ZFR2: variants seen among roughly 807,000 people sequenced by gnomAD.
The protein encoded by ZFR2 is zinc finger RNA-binding protein 2.
ZFR2 carries 104 observed loss-of-function variants against 105.7 expected under a neutral mutation model. That is an observed-to-expected ratio of 0.98 (90% confidence interval 0.84 to 1.16). The LOEUF (loss-of-function observed/expected upper bound fraction) is 1.16, where lower values mean the gene tolerates loss of function less well. Ranked by LOEUF, ZFR2 falls within the 50% of genes most tolerant of loss-of-function variation. The probability of loss-of-function intolerance (pLI) is 0.00; values close to 1 mark genes in which losing one functional copy is unlikely to be tolerated. For missense variants in ZFR2, 1,425 were observed against 1,355.5 expected (o/e 1.05, Z -0.80); for synonymous variants, 634 against 597.7 (o/e 1.06, Z -0.89).
rs543533337 is a variant in ZFR2 at position 3,822,068 on chromosome 19, C to A, written c.1491+13G>T. 5 of 1,588,764 alleles carry A rather than the reference C, an allele frequency of 3.1e-6. No individual in the cohort carries two copies. The highest frequency in any genetic ancestry group is 4.6e-5 in the East Asian group (2 of 43,192). ...GCCCGGACGGGTGTCGGAGCTCCCC[C>A]TGCTGGACGCACCCGGTACTGCAGC... On this transcript the variant is annotated intron_variant, in intron 9 of 18. Coordinates refer to ENST00000262961, the MANE Select transcript of ZFR2 (RefSeq NM_015174.2).
chr19:3,842,692 C>T (rs1225134505), intron 1 of ZFR2, among the ~76,000 whole-genome samples: 1 of 150,664 alleles, frequency 6.6e-6, no homozygotes, highest in Non-Finnish European at 1.5e-5. Flanking sequence ...GGCATGATCT[C>T]AGCTCACTGC....
chr19:3,840,363 A>G (rs1285464986), intron 1 of ZFR2, among the ~76,000 whole-genome samples: 1 of 150,250 alleles, frequency 6.7e-6, no homozygotes, highest in African/African-American at 2.5e-5. Flanking sequence ...TCAGCCTCCC[A>G]AGTAGCTGGG....
chr19:3,811,485 C>A, intron 14 of ZFR2, 119 bp from the exon 15 acceptor site: 2 of 869,350 alleles, frequency 2.3e-6, no homozygotes, highest in Non-Finnish European at 3.5e-6. Flanking sequence ...GACACAGTTT[C>A]ACTGTGTCAC....
In ZFR2 at chr19:3,858,409, A is replaced by G. The variant is rs1209407104; in HGVS notation, c.53+10556T>C. 6.6e-6 allele frequency among the ~76,000 whole-genome samples: 1 copy of G among 152,208 alleles called. No homozygotes were observed. Among genetic ancestry groups the G allele is most frequent in the East Asian group, 1.9e-4 (1 of 5,194 alleles). On this transcript the variant is annotated intron_variant, in intron 1 of 18. Transcript: ENST00000262961. The surrounding 1 kb of genome is among the most constrained non-coding windows in gnomAD (Gnocchi z 4.3). Reference sequence around the variant, plus strand: ...GCTGAACACTGCATTGAATAACTCAATGGGAACACACACACACAAAACCCC... The same window carrying G: ...GCTGAACACTGCATTGAATAACTCAGTGGGAACACACACACACAAAACCCC...
At position 3,808,908 on chromosome 19, in the gene ZFR2, C is replaced by T. The variant is rs1172440181; in HGVS notation, c.2509G>A (p.Val837Ile). The change falls in exon 17 of 19, where the codon GTC (valine) becomes ATC (isoleucine). Residue 837 changes from valine (V) to isoleucine (I), a missense_variant. By Grantham distance (29) the Val-to-Ile change is conservative. Coordinates refer to ENST00000262961, the MANE Select transcript of ZFR2 (RefSeq NM_015174.2). Reference protein sequence around the residue: ...PLGPGDAVRRVLECVATGTLL... With the variant: ...PLGPGDAVRRILECVATGTLL... ...GTCCCTGTGGCCACGCACTCCAGGA[C>T]TCGCCTGACTGCATCCCCGGGGCCC... 1.9e-6 allele frequency: 3 copies of T among 1,566,292 alleles called. No individual in the cohort carries two copies. The highest frequency in any genetic ancestry group is 1.9e-5 in the Admixed American group (1 of 53,850).
intron 10 of ZFR2, 124 bp downstream of exon 10, chr19:3,821,216 C>G: frequency 7.5e-7 from 1 of 1,325,512 alleles, no homozygotes; most frequent in Non-Finnish European, 9.9e-7. Flanking sequence ...GGGCACCCGT[C>G]TCCCCCCACT....
At chr19:3,840,515 G>A (rs563106226) in intron 1 of ZFR2, among the ~76,000 whole-genome samples, 2 of 151,548 alleles carry the variant, frequency 1.3e-5, no homozygotes, top group Admixed American at 1.3e-4. Context: ...GGGATTACAG[G>A]CATGAGCCAC....
At chr19:3,867,346 C>T (rs1263883057) in intron 1 of ZFR2, among the ~76,000 whole-genome samples, 1 of 151,896 alleles carries the variant, frequency 6.6e-6, no homozygotes, top group East Asian at 1.9e-4. Context: ...AGCCCTGGCT[C>T]CCGGACTGGG....
chr19:3,864,375 C>CACAAACAAACAA (rs58613356), intron 1 of ZFR2, among the ~76,000 whole-genome samples: 5 of 151,414 alleles, frequency 3.3e-5, no homozygotes, highest in African/African-American at 1.2e-4. Context: ...GATCCTGTCT[C>CACAAACAAACAA]ACAAACAAAC....
At chr19:3,839,307 C>T (rs944190977) in intron 1 of ZFR2, among the ~76,000 whole-genome samples, 5 of 152,080 alleles carry the variant, frequency 3.3e-5, no homozygotes, top group Non-Finnish European at 7.4e-5. Flanking sequence ...CCACGGCAGG[C>T]AGATTACCCG....
In ZFR2 at chr19:3,821,350, C is replaced by T. The variant is rs533738217; in HGVS notation, c.1621G>A (p.Ala541Thr). 2.2e-5 allele frequency: 35 copies of T among 1,597,592 alleles called. No homozygotes were observed. Among genetic ancestry groups the T allele is most frequent in the Admixed American group, 5.1e-5 (3 of 58,418 alleles). ...CCCGCAGCCGGGCACCTCCTCTCCG[C>T]GTGCCAGCGCCGCAGCTGCTCCAGC... is the stretch of plus-strand genomic sequence containing the variant. The part of the protein sequence containing the change: ...ERLEQLRRWH[A>T]ERRRLEEEPP... Residue 541 changes from alanine to threonine, a missense_variant, in exon 10 of 19, where the codon GCG becomes ACG. Transcript: ENST00000262961.
chr19:3,855,925 G>A (rs886559650), intron 1 of ZFR2, among the ~76,000 whole-genome samples: 2 of 152,166 alleles, frequency 1.3e-5, no homozygotes, highest in Admixed American at 1.3e-4. Context: ...GCCATCGTAG[G>A]GGCTCCAGCT....
chr19:3,830,119 G>C (rs1288248067), intron 5 of ZFR2, among the ~76,000 whole-genome samples: 1 of 148,060 alleles, frequency 6.8e-6, no homozygotes, highest in African/African-American at 2.4e-5. Flanking sequence ...GGGCAACATA[G>C]TGAGACCCTG....
At chr19:3,810,169 CG>C (rs1343276791) in intron 16 of ZFR2, among the ~76,000 whole-genome samples, 6 of 151,166 alleles carry the variant, frequency 4.0e-5, no homozygotes, top group Non-Finnish European at 8.9e-5. Flanking sequence ...GCCCGCAGGG[CG>C]GGGGGGAGGC....
chr19:3,822,286 T>G, intron 8 of ZFR2, 86 bp from the exon 9 acceptor site: 1 of 1,523,292 alleles, frequency 6.6e-7, no homozygotes. Context: ...CGGCGGAGCC[T>G]TCCTCCTTGC....
At chr19:3,839,378 C>A (rs1260022194) in intron 1 of ZFR2, among the ~76,000 whole-genome samples, 2 of 151,508 alleles carry the variant, frequency 1.3e-5, no homozygotes, top group Non-Finnish European at 2.9e-5. Flanking sequence ...ATTAAAAATA[C>A]AAAAACTAGC....
intron 18 of ZFR2, 131 bp downstream of exon 18, chr19:3,807,041 G>A (rs570794162): frequency 6.8e-4 from 470 of 691,348 alleles, no homozygotes; most frequent in Non-Finnish European, 6.4e-4. Context: ...CCCACGGGCC[G>A]CCCTCCTGTT....
chr19:3,819,966 C>T (rs77841512), intron 11 of ZFR2, among the ~76,000 whole-genome samples: 4,398 of 152,168 alleles, frequency 0.029, 207 homozygotes, highest in African/African-American at 0.1. Flanking sequence ...GGCGACCACC[C>T]GGGGCTCCAG....
Position 3,806,059 on chromosome 19 carries a change from T to A in ZFR2, c.2710A>T (p.Arg904Ter). The A allele has an allele frequency of 6.5e-7, 1 of 1,535,014 alleles. No homozygotes were observed. The highest frequency in any genetic ancestry group is 1.2e-5 in the South Asian group (1 of 82,652). ...KVLGMDLLPP[R>*]HRLGARFRKR... ...CGGAAGCGGGCCCCCAGCCGGTGTCTGGGCGGCAGGAGATCCATGCCCAGG... is the reference window on the plus strand; with the variant it reads ...CGGAAGCGGGCCCCCAGCCGGTGTCAGGGCGGCAGGAGATCCATGCCCAGG... Residue 904 changes from arginine (R) to a stop codon, truncating the protein, a stop_gained, in exon 19 of 19, where the codon AGA becomes TGA. Transcript: ENST00000262961. LOFTEE classifies it low-confidence loss of function (END_TRUNC).
Sources: gnomAD v4.1 joint callset for allele counts (sites outside exome capture counted in the v4.1 genomes callset) on GRCh38, gnomAD v4.1.1 for gene constraint, Gnocchi (gnomAD v3.1) non-coding constraint, MANE v1.5 for transcripts, NCBI Gene and HGNC (gene_info 2026-07-23, HGNC 2026-07-21) for gene names.